The following RRN3 variants were observed in gnomAD, a reference collection of about 807,000 sequenced individuals.
RRN3 encodes RNA polymerase I-specific transcription initiation factor RRN3.
Under a neutral mutation model 82.3 loss-of-function variants are expected in RRN3, and 38 were observed. The observed-to-expected ratio is 0.46, with a 90% confidence interval of 0.36 to 0.61. RRN3 has a LOEUF of 0.61. RRN3 is among the 20% of genes least tolerant of loss of function. RRN3 has a pLI of 0.00. For missense variants in RRN3, 726 were observed against 793.1 expected, an observed-to-expected ratio of 0.92 and a Z score of 1.02; for synonymous variants, 284 against 284.3, an observed-to-expected ratio of 1.00 and a Z score of 0.01.
rs771198763 is a variant in RRN3, at chr16:15,092,611, A to T, written c.93T>A (p.Ile31=). Residue 31 remains isoleucine, a synonymous_variant, in exon 2 of 18, where the codon ATT becomes ATA. Transcript: ENST00000198767. ...CATTCTCTAATGCACGCATATTTGA[A>T]ATCCTGTGGAACCAAGATTAACAAG... is the stretch of plus-strand genomic sequence containing the variant. ...VKKLGASRTG[I]SNMRALENDF... 1.3e-6 allele frequency: 2 copies of T among 1,582,872 alleles called. No homozygotes were observed. Among genetic ancestry groups the T allele is most frequent in the Non-Finnish European group, 1.7e-6 (2 of 1,152,424 alleles).
rs776229446 is a variant in RRN3, at chr16:15,085,640, A to G, written c.531T>C (p.Asp177=). The part of the protein sequence containing the change: ...VDVSDSDDED[D]NLPANFDTCH... ...GGCTTTAAACCTTTTTATACTTACTATCATCTTCATCATCAGAATCTGAAA... is the reference window on the plus strand; with the variant it reads ...GGCTTTAAACCTTTTTATACTTACTGTCATCTTCATCATCAGAATCTGAAA... Residue 177 remains aspartate (D), a splice_region_variant and synonymous_variant, in exon 6 of 18, where the codon GAT becomes GAC. Coordinates refer to ENST00000198767, the MANE Select transcript of RRN3 (RefSeq NM_018427.5). 1.1e-5 allele frequency: 18 copies of G among 1,612,992 alleles called. No homozygotes were observed. The highest frequency in any genetic ancestry group is 1.4e-5 in the Non-Finnish European group (17 of 1,179,376).
chr16:15,080,624 TCTCA>T (rs1168253698), intron 8 of RRN3, among the ~76,000 whole-genome samples: 4 of 152,150 alleles, frequency 2.6e-5, no homozygotes, highest in South Asian at 4.1e-4. Flanking sequence ...AGAGACATTT[TCTCA>T]CTATGTTGCC....
chr16:15,078,324 C>T (rs981593784), intron 9 of RRN3, among the ~76,000 whole-genome samples: 14 of 152,244 alleles, frequency 9.2e-5, no homozygotes, highest in African/African-American at 2.2e-4. Flanking sequence ...AACCTGCTCA[C>T]GTCTCTCCAC....
At chr16:15,091,862 G>A (rs2046141740) in intron 2 of RRN3, among the ~76,000 whole-genome samples, 1 of 152,118 alleles carries the variant, frequency 6.6e-6, no homozygotes, top group African/African-American at 2.4e-5. Flanking sequence ...CCAAAGTAAT[G>A]CTTAGGTAAG....
At chr16:15,084,979 C>A (rs112620403) in intron 6 of RRN3, among the ~76,000 whole-genome samples, 5 of 151,918 alleles carry the variant, frequency 3.3e-5, no homozygotes. Flanking sequence ...AGCAGGAGAA[C>A]CACTTGAACC....
intron 12 of RRN3, 105 bp downstream of exon 12, chr16:15,072,845 A>G: frequency 8.5e-7 from 1 of 1,175,020 alleles, no homozygotes; most frequent in South Asian, 1.4e-5. Context: ...AAGCTCAAAG[A>G]AAAGAATTAT....
intron 14 of RRN3, 131 bp from the exon 15 acceptor site, chr16:15,068,408 T>G (rs1474659268): frequency 1.9e-5 from 23 of 1,207,920 alleles, no homozygotes; most frequent in Non-Finnish European, 2.4e-5. Flanking sequence ...ATGCTTTAAA[T>G]AAAGGTCCAT....
chr16:15,073,769 CCAA>C (rs548080060), intron 11 of RRN3, among the ~76,000 whole-genome samples: 163 of 152,234 alleles, frequency 1.1e-3, no homozygotes, highest in Admixed American at 1.8e-3. Flanking sequence ...ACCCATGTGA[CCAA>C]CAACATTTAT....
chr16:15,063,154 A>C (rs1402635520), intron 17 of RRN3, 42 bp downstream of exon 17: 1 of 1,370,012 alleles, frequency 7.3e-7, no homozygotes, highest in African/African-American at 1.4e-5. Context: ...CTGGAACCAG[A>C]AAGGAGATTC....
intron 3 of RRN3, among the ~76,000 whole-genome samples, chr16:15,089,437 AAG>A (rs1253958457): frequency 6.6e-6 from 1 of 152,170 alleles, no homozygotes; most frequent in Non-Finnish European, 1.5e-5. Context: ...AGAGTGAGAA[AAG>A]AGTCAAGTTT....
intron 14 of RRN3, 98 bp downstream of exon 14, chr16:15,069,972 C>G: frequency 6.9e-7 from 1 of 1,441,332 alleles, no homozygotes; most frequent in Non-Finnish European, 9.5e-7. Context: ...TTTTCTGAAT[C>G]CAGTTTTTAT....
At chr16:15,065,536 A>G (rs2044932515) in intron 15 of RRN3, among the ~76,000 whole-genome samples, 165 bp from the exon 16 acceptor site, 1 of 152,240 alleles carries the variant, frequency 6.6e-6, no homozygotes, top group Non-Finnish European at 1.5e-5. Context: ...CTTTTAGGGT[A>G]CCGTTCTATG....
Position 15,082,581 on chromosome 16 carries a change from G to A in RRN3, c.666+932C>T, listed in dbSNP as rs1399022570. ...CCACCTACTCGGGAGGCTGAGGTGG[G>A]AGAGTCACTTGAACCCTGGAGGCAG... On this transcript the variant is annotated intron_variant, in intron 8 of 17. Transcript: ENST00000198767. Among the ~76,000 whole-genome samples the A allele has an allele frequency of 2.0e-5, 3 of 152,010 alleles. No homozygotes were observed. The South Asian group carries it at 6.3e-4, about 32-fold the overall frequency.
At chr16:15,068,107 C>T (rs1456437096) in intron 15 of RRN3, 62 bp downstream of exon 15, 1 of 1,499,640 alleles carries the variant, frequency 6.7e-7, no homozygotes, top group South Asian at 1.2e-5. Context: ...TCTTACAATA[C>T]TAGATAAACA....
chr16:15,076,094 C>T (rs1019624221), intron 10 of RRN3, among the ~76,000 whole-genome samples: 10 of 152,160 alleles, frequency 6.6e-5, no homozygotes, highest in African/African-American at 2.2e-4. Context: ...ACCCGGCCCC[C>T]GTTTAGCTCC....
rs546479645 is a variant in RRN3, at chr16:15,076,862, C to T, written c.766-212G>A. On this transcript the variant is annotated intron_variant, in intron 9 of 17. Transcript: ENST00000198767. Reference sequence around the variant, plus strand: ...AATATAATAAACCAAGCCCCTTTTACTACATACTTATATAAAATCGACAAC... The same window carrying T: ...AATATAATAAACCAAGCCCCTTTTATTACATACTTATATAAAATCGACAAC... 1.3e-5 allele frequency among the ~76,000 whole-genome samples: 2 copies of T among 152,238 alleles called. 1 individual carries two copies. Among genetic ancestry groups the T allele is most frequent in the South Asian group, 4.1e-4 (2 of 4,826 alleles).
intron 12 of RRN3, 112 bp downstream of exon 12, chr16:15,072,838 C>T (rs1374315973): frequency 4.6e-6 from 5 of 1,094,862 alleles, no homozygotes; most frequent in Non-Finnish European, 6.6e-6. Context: ...AGCAAGTAAG[C>T]TCAAAGAAAA....
intron 7 of RRN3, 82 bp downstream of exon 7, chr16:15,084,560 C>T (rs1440787944): frequency 1.0e-5 from 10 of 992,094 alleles, no homozygotes; most frequent in Admixed American, 4.5e-5. Context: ...AGCTTTAATA[C>T]TATTAACATT....
At position 15,072,919 on chromosome 16, in the gene RRN3, C is replaced by T. The variant is rs2045297633; in HGVS notation, c.1128+31G>A. The T allele has an allele frequency of 1.9e-6, 3 of 1,607,592 alleles. No individual in the cohort carries two copies. The Admixed American group carries it at 5.1e-5, about 28-fold the overall frequency. ...AATTTTTGGGCAAAAACAAAGTAAG[C>T]TAAGATAATGTTAATCACATTCTTA... is the stretch of plus-strand genomic sequence containing the variant. On this transcript the variant is annotated intron_variant, in intron 12 of 17. Coordinates refer to ENST00000198767, the MANE Select transcript of RRN3 (RefSeq NM_018427.5).
Sources: gnomAD v4.1 joint callset for allele counts (sites outside exome capture counted in the v4.1 genomes callset) on GRCh38, gnomAD v4.1.1 for gene constraint, MANE v1.5 for transcripts, NCBI Gene and HGNC (gene_info 2026-07-23, HGNC 2026-07-21) for gene names.